The following MCC variants were observed in gnomAD, a reference collection of about 807,000 sequenced individuals.
MCC encodes the protein colorectal mutant cancer protein.
MCC carries 90 observed loss-of-function variants against 116.2 expected under a neutral mutation model. The ratio of observed to expected loss-of-function variants is 0.77; its 90% CI spans 0.65 to 0.92. MCC has a LOEUF of 0.92. Ranked by LOEUF, MCC falls within the 40% of genes least tolerant of loss-of-function variation. The pLI, the probability that MCC is intolerant of heterozygous loss-of-function variation, is 0.00. For missense variants in MCC, 1,516 were observed against 1,312.2 expected (o/e 1.16, Z -2.40); for synonymous variants, 578 against 510.5 (o/e 1.13, Z -1.78).
chr5:113,179,759 T>C (rs540983300), intron 3 of MCC, among the ~76,000 whole-genome samples: 4 of 152,188 alleles, frequency 2.6e-5, no homozygotes, highest in South Asian at 4.1e-4. Flanking sequence ...ATGATATACC[T>C]AGCACCAATT....
At position 113,442,846 on chromosome 5, in the gene MCC, C is replaced by A. The variant is rs1484945616; in HGVS notation, c.170+45399G>T. On this transcript the variant is annotated intron_variant, in intron 1 of 18. Coordinates refer to ENST00000408903, the MANE Select transcript of MCC (RefSeq NM_001085377.2). Reference sequence around the variant, plus strand: ...TTATTTCTGAGGCCTCTGTTCTGTTCCATTGGTCTATATAGCTGTTTTGGT... The same window carrying A: ...TTATTTCTGAGGCCTCTGTTCTGTTACATTGGTCTATATAGCTGTTTTGGT... Among the ~76,000 whole-genome samples the A allele has an allele frequency of 2.6e-5, 4 of 152,138 alleles. No homozygotes were observed. The East Asian group carries it at 7.7e-4, about 29-fold the overall frequency.
chr5:113,168,831 A>G (rs559740042), intron 3 of MCC, among the ~76,000 whole-genome samples: 37 of 152,288 alleles, frequency 2.4e-4, no homozygotes, highest in South Asian at 4.1e-4. Context: ...GGCTAATTCT[A>G]TATTACCCCT....
At chr5:113,372,460 T>C (rs1270311466) in intron 2 of MCC, among the ~76,000 whole-genome samples, 2 of 152,208 alleles carry the variant, frequency 1.3e-5, no homozygotes, top group African/African-American at 4.8e-5. Context: ...CTCAGAAATA[T>C]TTGTGAATCC....
At position 113,444,823 on chromosome 5, in the gene MCC, G is replaced by A. The variant is rs151076722; in HGVS notation, c.170+43422C>T. On this transcript the variant is annotated intron_variant, in intron 1 of 18. Coordinates refer to ENST00000408903, the MANE Select transcript of MCC (RefSeq NM_001085377.2). ...TCAGTTTCTGGGCCAATGACCTGATGACGATAACAACAACAACAATAGTAA... is the reference window on the plus strand; with the variant it reads ...TCAGTTTCTGGGCCAATGACCTGATAACGATAACAACAACAACAATAGTAA... Among the ~76,000 whole-genome samples, 196 of 152,288 alleles carry A rather than the reference G, an allele frequency of 1.3e-3. 3 individuals are homozygous for A. The highest frequency in any genetic ancestry group is 0.011 in the Admixed American group (172 of 15,294).
intron 3 of MCC, among the ~76,000 whole-genome samples, chr5:113,325,737 T>A (rs1436999169): frequency 6.6e-6 from 1 of 152,150 alleles, no homozygotes; most frequent in Non-Finnish European, 1.5e-5. Flanking sequence ...AAACCTATAT[T>A]TTCCTTCTAA....
intron 8 of MCC, among the ~76,000 whole-genome samples, chr5:113,095,155 C>A (rs1755928646): frequency 6.6e-6 from 1 of 152,144 alleles, no homozygotes. Context: ...ATCTGGCCCC[C>A]ATGTTGCTGT....
chr5:113,386,608 T>G lies in MCC; in HGVS notation c.171-1396A>C, dbSNP rs1769260356. ...TGTAAAAGACTCCAAGACCTTTCAA[T>G]TTATGCCAGGCCTATGCCACCAGCC... On this transcript the variant is annotated intron_variant, in intron 1 of 18. Coordinates refer to ENST00000408903, the MANE Select transcript of MCC (RefSeq NM_001085377.2). 3.3e-5 allele frequency among the ~76,000 whole-genome samples: 5 copies of G among 152,190 alleles called. No homozygotes were observed. The South Asian group carries it at 1.0e-3, about 31-fold the overall frequency.
At chr5:113,222,305 T>C (rs774163254) in intron 3 of MCC, among the ~76,000 whole-genome samples, 5 of 152,220 alleles carry the variant, frequency 3.3e-5, no homozygotes, top group East Asian at 1.9e-4. Flanking sequence ...TAATATATTA[T>C]TGGGTTTGAT....
At chr5:113,407,265 A>T (rs1270642808) in intron 1 of MCC, among the ~76,000 whole-genome samples, 2 of 152,192 alleles carry the variant, frequency 1.3e-5, no homozygotes, top group Non-Finnish European at 2.9e-5. Context: ...AGCTGATCTC[A>T]AAGGACCGAC....
At chr5:113,041,898 G>A (rs1386766832) in intron 17 of MCC, among the ~76,000 whole-genome samples, 1 of 152,148 alleles carries the variant, frequency 6.6e-6, no homozygotes, top group Non-Finnish European at 1.5e-5. Context: ...TTGGGAGGCT[G>A]AGGCAGGAGA....
chr5:113,345,659 G>A (rs1321630528), intron 2 of MCC, among the ~76,000 whole-genome samples: 1 of 152,222 alleles, frequency 6.6e-6, no homozygotes, highest in African/African-American at 2.4e-5. Context: ...TCTTATCCAA[G>A]ACCACAAAGG....
At chr5:113,279,685 A>ATT (rs1765961464) in intron 3 of MCC, among the ~76,000 whole-genome samples, 1 of 152,200 alleles carries the variant, frequency 6.6e-6, no homozygotes, top group Non-Finnish European at 1.5e-5. Context: ...ATAAGTCCAG[A>ATT]TGCATTACGT....
At chr5:113,036,651 G>C (rs970985061) in intron 17 of MCC, among the ~76,000 whole-genome samples, 4 of 152,180 alleles carry the variant, frequency 2.6e-5, no homozygotes, top group African/African-American at 9.7e-5. Flanking sequence ...TTCTTGTCCA[G>C]GAAATCCATC....
intron 3 of MCC, among the ~76,000 whole-genome samples, chr5:113,162,492 G>T (rs1055736442): frequency 6.6e-6 from 1 of 151,636 alleles, no homozygotes; most frequent in Non-Finnish European, 1.5e-5. Context: ...AAGGGTCGTT[G>T]CAATCTTCTT....
At chr5:113,255,857 T>C (rs1040659327) in intron 3 of MCC, among the ~76,000 whole-genome samples, 4 of 152,124 alleles carry the variant, frequency 2.6e-5, no homozygotes, top group Non-Finnish European at 4.4e-5. Flanking sequence ...GCTTGGAGTG[T>C]AGGACTACGT....
chr5:113,163,789 C>G (rs889669025), intron 3 of MCC, among the ~76,000 whole-genome samples: 3 of 152,232 alleles, frequency 2.0e-5, no homozygotes, highest in African/African-American at 7.2e-5. Context: ...TCAGACATTT[C>G]TGTAAGTGTA....
At chr5:113,260,750 T>A (rs903185205) in intron 3 of MCC, among the ~76,000 whole-genome samples, 5 of 152,002 alleles carry the variant, frequency 3.3e-5, no homozygotes, top group Non-Finnish European at 4.4e-5. Context: ...CATTTTTTTT[T>A]AGAAAATATC....
chr5:113,024,669 T>C lies in MCC; in HGVS notation c.*2633A>G, dbSNP rs142562314. On this transcript the variant is annotated 3_prime_UTR_variant, in exon 19 of 19. Transcript: ENST00000408903. ...CATTGTTTACCCTCATTGGAGATGTTTGTTAGAGAAAAATTCAGGTAGCGC... is the reference window on the plus strand; with the variant it reads ...CATTGTTTACCCTCATTGGAGATGTCTGTTAGAGAAAAATTCAGGTAGCGC... 130 of 152,258 alleles carry C rather than the reference T, an allele frequency of 8.5e-4. No homozygotes were observed. The highest frequency in any genetic ancestry group is 3.1e-3 in the African/African-American group (128 of 41,526). The allele number at this position is 152,258 out of a possible 1,614,324, so 9.4% of individuals were successfully genotyped here. A position where few individuals can be genotyped will look rare whatever the true frequency, so the allele number is the denominator to read the frequency against.
chr5:113,449,293 G>A (rs1361320361), intron 1 of MCC, among the ~76,000 whole-genome samples: 1 of 152,132 alleles, frequency 6.6e-6, no homozygotes, highest in African/African-American at 2.4e-5. Context: ...AATTAGCCTC[G>A]GAAAGATAAG....
Sources: gnomAD v4.1 joint callset for allele counts (sites outside exome capture counted in the v4.1 genomes callset) on GRCh38, gnomAD v4.1.1 for gene constraint, MANE v1.5 for transcripts, NCBI Gene and HGNC (gene_info 2026-07-23, HGNC 2026-07-21) for gene names.